CTNND2: variants seen among roughly 807,000 people sequenced by gnomAD.
CTNND2 encodes the protein catenin delta 2.
In CTNND2, 22 loss-of-function variants were observed where a neutral mutation model predicts 144.4. That is an observed-to-expected ratio of 0.15 (90% CI 0.11 to 0.22). The LOEUF is 0.22. Ranked by LOEUF, CTNND2 falls within the 10% of genes least tolerant of loss-of-function variation. The pLI, the probability that CTNND2 is intolerant of heterozygous loss-of-function variation, is 1.00. For missense variants in CTNND2, 1,353 were observed against 1,618.8 expected (o/e 0.84, Z 2.82); for synonymous variants, 751 against 695.6 (o/e 1.08, Z -1.25).
intron 16 of CTNND2, among the ~76,000 whole-genome samples, chr5:11,023,564 A>G (rs1178175744): frequency 6.6e-6 from 1 of 152,230 alleles, no homozygotes; most frequent in Non-Finnish European, 1.5e-5. Context: ...AGAAACACTG[A>G]AAGCAGGAGA....
In CTNND2 at chr5:11,031,855, T is replaced by C. The variant is rs1462802260; in HGVS notation, c.2789-8876A>G. ...ATCTGGACTCTTGGACTTACACCACTGGTTTGACAGGGGCTTTTGGGCCTT... is the reference window on the plus strand; with the variant it reads ...ATCTGGACTCTTGGACTTACACCACCGGTTTGACAGGGGCTTTTGGGCCTT... On this transcript the variant is annotated intron_variant, in intron 16 of 21. Transcript: ENST00000304623. Among the ~76,000 whole-genome samples the C allele has an allele frequency of 3.3e-5, 5 of 152,360 alleles. No individual in the cohort carries two copies. The East Asian group carries it at 9.6e-4, about 29-fold the overall frequency.
chr5:11,003,046 AT>A (rs1159118902), intron 18 of CTNND2, among the ~76,000 whole-genome samples: 1 of 152,048 alleles, frequency 6.6e-6, no homozygotes, highest in East Asian at 1.9e-4. Flanking sequence ...AAGTTTTTTA[AT>A]GTAGCAAGAT....
chr5:11,872,573 A>AT (rs529943477), intron 1 of CTNND2, among the ~76,000 whole-genome samples: 1 of 152,190 alleles, frequency 6.6e-6, no homozygotes. Context: ...AATGATTGCC[A>AT]TTTTAACTGG....
intron 2 of CTNND2, among the ~76,000 whole-genome samples, chr5:11,640,635 T>A (rs992090749): frequency 6.6e-6 from 1 of 152,230 alleles, no homozygotes; most frequent in Admixed American, 6.5e-5. Flanking sequence ...TCTAGCAGCA[T>A]CAAGGGAAGG....
chr5:11,397,715 T>C (rs1033435698), intron 5 of CTNND2, among the ~76,000 whole-genome samples: 3 of 152,176 alleles, frequency 2.0e-5, no homozygotes, highest in African/African-American at 4.8e-5. Flanking sequence ...AAAATATTAA[T>C]AGCTCTTTGT....
intron 2 of CTNND2, among the ~76,000 whole-genome samples, chr5:11,659,799 A>G (rs1200647064): frequency 5.3e-5 from 8 of 152,076 alleles, no homozygotes; most frequent in Non-Finnish European, 1.0e-4. Context: ...GTTGCTTCAT[A>G]TATTTGTCTA....
At chr5:11,208,971 T>C (rs1738339866) in intron 10 of CTNND2, among the ~76,000 whole-genome samples, 1 of 152,238 alleles carries the variant, frequency 6.6e-6, no homozygotes, top group Non-Finnish European at 1.5e-5. Flanking sequence ...ACCAGTGACG[T>C]TGAGTCTTTG....
intron 1 of CTNND2, among the ~76,000 whole-genome samples, chr5:11,763,293 G>GAACT (rs1561774813): frequency 2.0e-5 from 3 of 152,076 alleles, no homozygotes; most frequent in Non-Finnish European, 4.4e-5. Context: ...GTGTGAGAAA[G>GAACT]AACTAATACA....
intron 3 of CTNND2, among the ~76,000 whole-genome samples, chr5:11,518,229 G>T (rs1271709816): frequency 1.3e-5 from 2 of 152,100 alleles, no homozygotes; most frequent in African/African-American, 4.8e-5. Context: ...AGGTGTGCTT[G>T]TGTCTTAGTT....
At chr5:11,415,910 G>A (rs1761901230) in intron 3 of CTNND2, among the ~76,000 whole-genome samples, 1 of 152,104 alleles carries the variant, frequency 6.6e-6, no homozygotes, top group African/African-American at 2.4e-5. Context: ...CCTGTGTTGA[G>A]ATGCATGCCT....
intron 18 of CTNND2, among the ~76,000 whole-genome samples, chr5:11,008,558 C>T (rs1028238732): frequency 6.6e-6 from 1 of 152,074 alleles, no homozygotes; most frequent in Non-Finnish European, 1.5e-5. Context: ...GGTAGTATGC[C>T]AGGATGTTAA....
chr5:11,007,466 G>A (rs958808544), intron 18 of CTNND2, among the ~76,000 whole-genome samples: 12 of 152,164 alleles, frequency 7.9e-5, no homozygotes, highest in African/African-American at 2.7e-4. Flanking sequence ...AGCCTGTCAC[G>A]GGCACGTGGT....
chr5:11,154,773 C>T (rs1758066269), intron 12 of CTNND2, among the ~76,000 whole-genome samples: 1 of 152,212 alleles, frequency 6.6e-6, no homozygotes, highest in Non-Finnish European at 1.5e-5. Context: ...CGTGCTCTCT[C>T]TGAAGGCTCT....
chr5:11,754,868 A>G (rs1340334839), intron 1 of CTNND2, among the ~76,000 whole-genome samples: 1 of 151,464 alleles, frequency 6.6e-6, no homozygotes, highest in Non-Finnish European at 1.5e-5. Context: ...TATCTTAAAG[A>G]CAGTAAATCT....
chr5:11,765,377 T>C lies in CTNND2; in HGVS notation c.38-33105A>G, dbSNP rs556337359. Among the ~76,000 whole-genome samples, 16 of 152,048 alleles carry C rather than the reference T, an allele frequency of 1.1e-4. No individual in the cohort carries two copies. The East Asian group carries it at 2.7e-3, about 26-fold the overall frequency. The stretch of plus-strand genomic sequence containing the variant: ...GGTGTGACCTGGGCAGAGGCAGTCA[T>C]ACACACAGCAAGGTTCCAGGCTGCC... On this transcript the variant is annotated intron_variant, in intron 1 of 21. Transcript: ENST00000304623.
At chr5:11,417,186 T>C (rs1241319658) in intron 3 of CTNND2, among the ~76,000 whole-genome samples, 1 of 152,008 alleles carries the variant, frequency 6.6e-6, no homozygotes, top group African/African-American at 2.4e-5. Context: ...AAAACCAAGG[T>C]AAAAAGATGC....
intron 9 of CTNND2, among the ~76,000 whole-genome samples, chr5:11,260,651 C>T (rs1744767127): frequency 6.6e-6 from 1 of 152,138 alleles, no homozygotes; most frequent in Non-Finnish European, 1.5e-5. Flanking sequence ...AATATACCTG[C>T]TCCTGACATA....
chr5:11,326,732 G>A (rs1332112532), intron 9 of CTNND2, among the ~76,000 whole-genome samples: 1 of 152,136 alleles, frequency 6.6e-6, no homozygotes. Context: ...AAATGGGAAG[G>A]CCTTTTTCAA....
intron 2 of CTNND2, among the ~76,000 whole-genome samples, chr5:11,567,184 G>A (rs565935839): frequency 2.3e-4 from 35 of 151,954 alleles, no homozygotes; most frequent in Admixed American, 1.4e-3. Context: ...TTGAGATGGA[G>A]TCTCGCTCTG....
Sources: gnomAD v4.1 joint callset for allele counts (sites outside exome capture counted in the v4.1 genomes callset) on GRCh38, gnomAD v4.1.1 for gene constraint, MANE v1.5 for transcripts, NCBI Gene and HGNC (gene_info 2026-07-23, HGNC 2026-07-21) for gene names.